VAV2: variants seen among roughly 807,000 people sequenced by gnomAD.
VAV2 encodes the protein vav guanine nucleotide exchange factor 2.
VAV2 carries 67 observed loss-of-function variants against 132.5 expected under a neutral mutation model. The observed-to-expected ratio is 0.51, with a 90% confidence interval of 0.42 to 0.62. The LOEUF (loss-of-function observed/expected upper bound fraction) is 0.62. VAV2 is among the 20% of genes least tolerant of loss of function. The pLI, the probability that VAV2 is intolerant of heterozygous loss-of-function variation, is 0.00. For synonymous variants in VAV2, 492 were observed against 443.5 expected (o/e 1.11, Z -1.37); for missense variants, 938 against 1,153.6 (o/e 0.81, Z 2.71).
At chr9:133,942,850 C>A (rs1841220630) in intron 1 of VAV2, among the ~76,000 whole-genome samples, 1 of 152,230 alleles carries the variant, frequency 6.6e-6, no homozygotes, top group Admixed American at 6.5e-5. Context: ...CAAAACTGAG[C>A]CACACAGGCT....
intron 2 of VAV2, among the ~76,000 whole-genome samples, chr9:133,937,420 ATGTC>A (rs375908397): frequency 0.012 from 635 of 51,590 alleles, 1 homozygote; most frequent in African/African-American, 0.026. Context: ...GTGAGACTGT[ATGTC>A]TGTGTGTGTG....
Position 133,802,984 on chromosome 9 carries a change from G to A in VAV2, c.836+3097C>T, listed in dbSNP as rs1564362383. Among the ~76,000 whole-genome samples the A allele has an allele frequency of 6.6e-6, 1 of 152,242 alleles. No homozygotes were observed. Among genetic ancestry groups the A allele is most frequent in the Non-Finnish European group, 1.5e-5 (1 of 68,044 alleles). ...GAGGTTCCCAAAGGCAGCCCTGCCA[G>A]AGCAGGTGGCCAAGCCAACCCCTAC... On this transcript the variant is annotated intron_variant, in intron 9 of 29. Coordinates refer to ENST00000371850, the MANE Select transcript of VAV2 (RefSeq NM_001134398.2). The surrounding 1 kb of genome is among the most constrained non-coding windows in gnomAD (Gnocchi z 5.8).
chr9:133,789,392 TCTC>T, intron 13 of VAV2, 49 bp from the exon 14 acceptor site: 6 of 1,585,072 alleles, frequency 3.8e-6, no homozygotes, highest in Non-Finnish European at 5.2e-6. Context: ...CAGCCCCAGT[TCTC>T]CTGACCGCAC....
At chr9:133,780,627 T>C in intron 20 of VAV2, 67 bp downstream of exon 20, 4 of 1,179,064 alleles carry the variant, frequency 3.4e-6, no homozygotes, top group Non-Finnish European at 4.4e-6. Flanking sequence ...TGGGTCTTTC[T>C]GGCTCTGCGC....
At chr9:133,808,299 C>T (rs921331287) in intron 7 of VAV2, among the ~76,000 whole-genome samples, 2 of 152,222 alleles carry the variant, frequency 1.3e-5, no homozygotes, top group African/African-American at 2.4e-5. Flanking sequence ...GGGGCCCGGC[C>T]GGAGCAAGGC....
At chr9:133,867,843 G>T (rs370567955) in intron 2 of VAV2, among the ~76,000 whole-genome samples, 44 of 152,340 alleles carry the variant, frequency 2.9e-4, no homozygotes, top group South Asian at 2.5e-3. Flanking sequence ...AGTGTGGGGC[G>T]GTCCACCTGG....
chr9:133,907,657 T>A (rs1214673010), intron 2 of VAV2, among the ~76,000 whole-genome samples: 1 of 152,220 alleles, frequency 6.6e-6, no homozygotes, highest in Admixed American at 6.5e-5. Flanking sequence ...TGACATTTCC[T>A]AGATCCACCG....
intron 2 of VAV2, among the ~76,000 whole-genome samples, chr9:133,923,394 G>A (rs1374763448): frequency 1.3e-5 from 2 of 152,166 alleles, no homozygotes; most frequent in African/African-American, 2.4e-5. Flanking sequence ...ATGAGAAAAT[G>A]CTCATCGTCA....
chr9:133,806,216 GC>G, intron 8 of VAV2, 35 bp from the exon 9 acceptor site: 4 of 1,593,648 alleles, frequency 2.5e-6, no homozygotes, highest in Non-Finnish European at 3.4e-6. Flanking sequence ...GCCTGGCCAG[GC>G]CCACCCAAGG....
chr9:133,960,242 G>C (rs930173494), intron 1 of VAV2, among the ~76,000 whole-genome samples: 2 of 152,202 alleles, frequency 1.3e-5, no homozygotes, highest in Non-Finnish European at 2.9e-5. Context: ...GGTGCACTGT[G>C]AGGTCAGGGC....
At chr9:133,771,361 G>A (rs938089266) in intron 26 of VAV2, among the ~76,000 whole-genome samples, 3 of 152,154 alleles carry the variant, frequency 2.0e-5, no homozygotes, top group Non-Finnish European at 4.4e-5. Context: ...ACTACGCTCA[G>A]CCCGAGATTA....
chr9:133,844,993 A>T (rs1347426759), intron 3 of VAV2, among the ~76,000 whole-genome samples: 1 of 152,134 alleles, frequency 6.6e-6, no homozygotes, highest in African/African-American at 2.4e-5. Context: ...TACTGGAAAC[A>T]CCGTTCCTTT....
At chr9:133,861,550 G>A in intron 2 of VAV2, 118 bp from the exon 3 acceptor site, 2 of 1,114,442 alleles carry the variant, frequency 1.8e-6, no homozygotes, top group East Asian at 2.7e-5. Flanking sequence ...CATCGCATCT[G>A]GGTAAGAAAC....
In VAV2 at chr9:133,788,508, G is replaced by T. The variant is rs757403863; in HGVS notation, c.1275-22C>A. 1.1e-5 allele frequency: 18 copies of T among 1,600,898 alleles called. No homozygotes were observed. The African/African-American group carries it at 1.2e-4, about 11-fold the overall frequency. The stretch of plus-strand genomic sequence containing the variant: ...GTACCTGGGCCAGGCAGCGCAGCGG[G>T]GGATCAGCACCCCAGCACTGTGTGC... On this transcript the variant is annotated intron_variant, in intron 14 of 29. Transcript: ENST00000371850. The surrounding 1 kb of genome is among the most constrained non-coding windows in gnomAD (Gnocchi z 5.3).
In VAV2 at chr9:133,800,642, C is replaced by A. The variant is rs187964046; in HGVS notation, c.837-2833G>T. Reference sequence around the variant, plus strand: ...GAAAAAGCTCCCAACTGAAGCCCAGCGGATAACATGCCTGGTGCCAGCAGC... The same window carrying A: ...GAAAAAGCTCCCAACTGAAGCCCAGAGGATAACATGCCTGGTGCCAGCAGC... On this transcript the variant is annotated intron_variant, in intron 9 of 29. Transcript: ENST00000371850. Among the ~76,000 whole-genome samples the A allele has an allele frequency of 2.0e-5, 3 of 152,328 alleles. No homozygotes were observed. The South Asian group carries it at 6.2e-4, about 32-fold the overall frequency.
intron 10 of VAV2, among the ~76,000 whole-genome samples, chr9:133,796,854 GAGA>G (rs1834739344): frequency 6.6e-6 from 1 of 152,066 alleles, no homozygotes; most frequent in South Asian, 2.1e-4. Context: ...AGGTCCTTTG[GAGA>G]AGGTCCTTTG....
chr9:133,918,241 C>T lies in VAV2; in HGVS notation c.321+20862G>A, dbSNP rs1345985430. ...TAAAGAGGACTCGGTGCCTCCAGCT[C>T]GGCTAGAAACTATTTTTAAACAAAG... On this transcript the variant is annotated intron_variant, in intron 2 of 29. Coordinates refer to ENST00000371850, the MANE Select transcript of VAV2 (RefSeq NM_001134398.2). This position sits in a 1 kb window ranked among gnomAD's most constrained non-coding sequence, Gnocchi z 4.7. 1.3e-5 allele frequency among the ~76,000 whole-genome samples: 2 copies of T among 152,174 alleles called. No individual in the cohort carries two copies. Among genetic ancestry groups the T allele is most frequent in the African/African-American group, 4.8e-5 (2 of 41,434 alleles).
intron 1 of VAV2, among the ~76,000 whole-genome samples, chr9:133,952,057 C>T (rs767669640): frequency 6.6e-6 from 1 of 152,044 alleles, no homozygotes; most frequent in Non-Finnish European, 1.5e-5. Flanking sequence ...AGGGACCATC[C>T]TATTCATGAA....
chr9:133,956,188 G>T (rs1019273310), intron 1 of VAV2, among the ~76,000 whole-genome samples: 3 of 152,074 alleles, frequency 2.0e-5, no homozygotes, highest in African/African-American at 7.2e-5. Flanking sequence ...TGGTTCACAG[G>T]GAGAGAGGGA....
Sources: allele counts gnomAD v4.1 joint callset (sites outside exome capture counted in the v4.1 genomes callset), GRCh38; gene constraint gnomAD v4.1.1; non-coding constraint Gnocchi (gnomAD v3.1); transcripts MANE v1.5; gene names NCBI Gene and HGNC (gene_info 2026-07-23, HGNC 2026-07-21).